The following SLC24A4 variants were observed in gnomAD, a reference collection of about 807,000 sequenced individuals.
SLC24A4 encodes the protein sodium/potassium/calcium exchanger 4.
A neutral mutation model predicts 79.0 loss-of-function variants in SLC24A4; 53 were observed. The ratio of observed to expected loss-of-function variants is 0.67; its 90% CI spans 0.54 to 0.84. The LOEUF (loss-of-function observed/expected upper bound fraction) is 0.84, where lower values mean the gene tolerates loss of function less well. SLC24A4 is among the 40% of genes least tolerant of loss of function. The probability of loss-of-function intolerance (pLI) is 0.00; values close to 1 mark genes in which losing one functional copy is unlikely to be tolerated. For synonymous variants in SLC24A4, 323 were observed against 323.8 expected, an observed-to-expected ratio of 1.00 and a Z score of 0.03; for missense variants, 731 against 822.0, an observed-to-expected ratio of 0.89 and a Z score of 1.35.
chr14:92,403,852 A>C, intron 2 of SLC24A4, among the ~76,000 whole-genome samples: 1 of 130,562 alleles, frequency 7.7e-6, no homozygotes, highest in African/African-American at 3.1e-5. Context: ...CCTGGCACAT[A>C]TGCTGTTTTC....
At chr14:92,405,853 C>G (rs1890345930) in intron 2 of SLC24A4, among the ~76,000 whole-genome samples, 1 of 152,102 alleles carries the variant, frequency 6.6e-6, no homozygotes, top group African/African-American at 2.4e-5. Flanking sequence ...ACCCTTGACC[C>G]CTCCCAAATC....
At chr14:92,481,086 A>G (rs927425405) in intron 12 of SLC24A4, among the ~76,000 whole-genome samples, 10 of 152,228 alleles carry the variant, frequency 6.6e-5, no homozygotes, top group African/African-American at 2.4e-4. Flanking sequence ...TCCAACACTC[A>G]GGCGGGTAGT....
intron 2 of SLC24A4, among the ~76,000 whole-genome samples, chr14:92,331,817 C>T (rs1025492098): frequency 6.6e-6 from 1 of 152,190 alleles, no homozygotes; most frequent in Non-Finnish European, 1.5e-5. Context: ...TTCTCTTTCT[C>T]CTCTCAATGT....
At chr14:92,404,190 A>G (rs951437921) in intron 2 of SLC24A4, among the ~76,000 whole-genome samples, 2 of 152,202 alleles carry the variant, frequency 1.3e-5, no homozygotes, top group Admixed American at 6.5e-5. Context: ...ATCTGTCGCT[A>G]TGATCTAATG....
At chr14:92,470,595 G>A (rs12883528) in intron 12 of SLC24A4, among the ~76,000 whole-genome samples, 104,495 of 151,412 alleles carry the variant, frequency 0.69, 37,135 homozygotes, top group Non-Finnish European at 0.79. Context: ...CTTAGTGAAA[G>A]GAATGACGGC....
chr14:92,472,071 T>C (rs11160071), intron 12 of SLC24A4, among the ~76,000 whole-genome samples: 106,936 of 151,996 alleles, frequency 0.7, 38,998 homozygotes, highest in Non-Finnish European at 0.8. Flanking sequence ...AGCTGCCTGC[T>C]GGGAGCATGA....
intron 2 of SLC24A4, among the ~76,000 whole-genome samples, chr14:92,394,062 CT>C (rs1236180266): frequency 6.6e-6 from 1 of 151,608 alleles, no homozygotes; most frequent in African/African-American, 2.4e-5. Context: ...CCAGGCTGGT[CT>C]TGAACTCCTG....
chr14:92,370,433 C>T (rs976663298), intron 2 of SLC24A4, among the ~76,000 whole-genome samples: 8 of 152,106 alleles, frequency 5.3e-5, no homozygotes, highest in East Asian at 3.8e-4. Flanking sequence ...TATTGCATTT[C>T]GCTGACTCTT....
At chr14:92,402,864 T>G (rs10162488) in intron 2 of SLC24A4, among the ~76,000 whole-genome samples, 2,974 of 152,182 alleles carry the variant, frequency 0.02, 96 homozygotes, top group African/African-American at 0.067. Context: ...CGAGATGAGA[T>G]TTGGGTGGAG....
intron 2 of SLC24A4, among the ~76,000 whole-genome samples, chr14:92,335,619 T>A (rs1263750722): frequency 1.3e-5 from 2 of 152,132 alleles, no homozygotes; most frequent in Non-Finnish European, 2.9e-5. Flanking sequence ...TGCCTTGGCC[T>A]CCCAAAGTGC....
At chr14:92,348,441 G>C (rs1886668304) in intron 2 of SLC24A4, among the ~76,000 whole-genome samples, 1 of 152,212 alleles carries the variant, frequency 6.6e-6, no homozygotes, top group Non-Finnish European at 1.5e-5. Flanking sequence ...CTCTGCCGAT[G>C]CAGGGTGACT....
At chr14:92,484,491 G>A (rs1422331056) in intron 13 of SLC24A4, 1 of 985,196 alleles carries the variant, frequency 1.0e-6, no homozygotes, top group African/African-American at 1.7e-5. Flanking sequence ...GTGACTCCTG[G>A]TACCGGCTTA....
chr14:92,417,540 G>C (rs1021533897), intron 2 of SLC24A4, among the ~76,000 whole-genome samples: 6 of 121,956 alleles, frequency 4.9e-5, no homozygotes, highest in Non-Finnish European at 7.2e-5. Context: ...TGTAGCCTAA[G>C]TGTCCAGTAT....
intron 1 of SLC24A4, among the ~76,000 whole-genome samples, chr14:92,325,289 C>T (rs966371327): frequency 2.0e-5 from 3 of 152,190 alleles, no homozygotes; most frequent in Admixed American, 1.3e-4. Context: ...TGCGGGCCTC[C>T]GCAAATTCTC....
At chr14:92,375,966 C>T (rs1250495945) in intron 2 of SLC24A4, among the ~76,000 whole-genome samples, 4 of 152,152 alleles carry the variant, frequency 2.6e-5, no homozygotes, top group East Asian at 1.9e-4. Flanking sequence ...GTACAAAATG[C>T]TACTGAATTG....
intron 12 of SLC24A4, among the ~76,000 whole-genome samples, chr14:92,474,729 G>A (rs1279999168): frequency 5.0e-4 from 2 of 4,018 alleles, no homozygotes; most frequent in East Asian, 0.011. Flanking sequence ...ATACACACAC[G>A]TATATATACG....
intron 2 of SLC24A4, among the ~76,000 whole-genome samples, chr14:92,389,313 A>C (rs1889338229): frequency 6.6e-6 from 1 of 152,212 alleles, no homozygotes; most frequent in South Asian, 2.1e-4. Context: ...CACAACACAC[A>C]TGCAGTGGGT....
chr14:92,404,499 A>C (rs1308345342), intron 2 of SLC24A4, among the ~76,000 whole-genome samples: 1 of 151,936 alleles, frequency 6.6e-6, no homozygotes, highest in African/African-American at 2.4e-5. Context: ...CTGGCAGGAG[A>C]TGTAGACTGC....
At chr14:92,331,235 A>G (rs937485660) in intron 2 of SLC24A4, among the ~76,000 whole-genome samples, 1 of 152,124 alleles carries the variant, frequency 6.6e-6, no homozygotes, top group Non-Finnish European at 1.5e-5. Context: ...CCTGGCTGTC[A>G]TGGCATCTTG....
Sources: allele counts gnomAD v4.1 joint callset (sites outside exome capture counted in the v4.1 genomes callset), GRCh38; gene constraint gnomAD v4.1.1; transcripts MANE v1.5; gene names NCBI Gene and HGNC (gene_info 2026-07-23, HGNC 2026-07-21).